CDCA5: variants seen among roughly 807,000 people sequenced by gnomAD.
CDCA5 encodes the protein cell division cycle associated 5.
In CDCA5, 14 loss-of-function variants were observed where a neutral mutation model predicts 25.7. The observed-to-expected ratio is 0.54, with a 90% CI of 0.36 to 0.85. The LOEUF is 0.85. Ranked by LOEUF, CDCA5 falls within the 40% of genes least tolerant of loss-of-function variation. The probability of loss-of-function intolerance (pLI) is 0.01; values close to 1 mark genes in which losing one functional copy is unlikely to be tolerated. For missense variants in CDCA5, 307 were observed against 324.5 expected (o/e 0.95, Z 0.41); for synonymous variants, 127 against 128.7 (o/e 0.99, Z 0.09).
Position 65,079,927 on chromosome 11 carries a change from C to T in CDCA5, c.244-140G>A, listed in dbSNP as rs1304790890. 38 of 582,478 alleles carry T rather than the reference C, an allele frequency of 6.5e-5. 1 individual carries two copies. In the South Asian group the frequency reaches 1.5e-3, roughly 24 times the overall value. The allele number at this position is 582,478 out of a possible 1,614,324, so 36.1% of individuals were successfully genotyped here. ...TTTTTTTGAGACGGAGTCTTGCTCT[C>T]TCGCCCAGGCTGGAGTGCAGTGGCA... On this transcript the variant is annotated intron_variant, in intron 4 of 5. Coordinates refer to ENST00000275517, the MANE Select transcript of CDCA5 (RefSeq NM_080668.4).
chr11:65,068,323 C>G (rs887059141), intron 2 of CDCA5, among the ~76,000 whole-genome samples: 1 of 152,234 alleles, frequency 6.6e-6, no homozygotes, highest in Non-Finnish European at 1.5e-5. Context: ...TCCCCTGCAC[C>G]CATTCCTCAG....
At position 65,078,945 on chromosome 11, in the gene CDCA5, C is replaced by T. The variant is rs142767058; in HGVS notation, c.*162G>A. On this transcript the variant is annotated 3_prime_UTR_variant, in exon 6 of 6. Transcript: ENST00000275517. ...TTTCCTAAAACCAAGATGGCTGCCG[C>T]TGCTGCCCAAGCCCTCAAAGGCAGA... is the stretch of plus-strand genomic sequence containing the variant. 10,087 of 1,259,320 alleles carry T rather than the reference C, an allele frequency of 8.0e-3. 49 individuals are homozygous for T. Among genetic ancestry groups the T allele is most frequent in the Non-Finnish European group, 9.2e-3 (9,205 of 1,003,848 alleles). The allele number at this position is 1,259,320 out of a possible 1,614,324, so 78.0% of individuals were successfully genotyped here.
chr11:65,079,348 C>T lies in CDCA5; in HGVS notation c.678+5G>A, dbSNP rs780506805. ...GGCAGAGAAAAACCCCTGCCTCTCA[C>T]TCACCAAGATCTCTGGCATTTTCTT... On this transcript the variant is annotated splice_donor_5th_base_variant and intron_variant, in intron 5 of 5. Coordinates refer to ENST00000275517, the MANE Select transcript of CDCA5 (RefSeq NM_080668.4). The T allele has an allele frequency of 6.2e-7, 1 of 1,614,170 alleles. No homozygotes were observed. The highest frequency in any genetic ancestry group is 1.1e-5 in the South Asian group (1 of 91,080).
Position 65,078,968 on chromosome 11 carries a change from A to G in CDCA5, c.*139T>C. On this transcript the variant is annotated 3_prime_UTR_variant, in exon 6 of 6. Transcript: ENST00000275517. ...CGCTGCTGCCCAAGCCCTCAAAGGC[A>G]GACAGTCCTCATGCGCAGCACCAGC... 1 of 1,280,106 alleles carries G rather than the reference A, an allele frequency of 7.8e-7. No homozygotes were observed. The allele number at this position is 1,280,106 out of a possible 1,614,324, so 79.3% of individuals were successfully genotyped here.
At chr11:65,066,349 G>A (rs761631344), downstream of CDCA5, 18 of 1,173,804 alleles carry the variant, frequency 1.5e-5, no homozygotes, top group East Asian at 6.2e-5. Context: ...GGCTGAAGGA[G>A]CGGCCTCCCG....
In CDCA5 at chr11:65,077,572, A is replaced by G; in HGVS notation, c.*1535T>C. 1 of 985,480 alleles carries G rather than the reference A, an allele frequency of 1.0e-6. No homozygotes were observed. The highest frequency in any genetic ancestry group is 4.7e-5 in the South Asian group (1 of 21,294). The allele number at this position is 985,480 out of a possible 1,614,324, so 61.0% of individuals were successfully genotyped here. On this transcript the variant is annotated 3_prime_UTR_variant, in exon 6 of 6. Coordinates refer to ENST00000275517, the MANE Select transcript of CDCA5 (RefSeq NM_080668.4). ...TTTGCAATGATGATCTCAACTCTGC[A>G]TCATCTGGTGACTCCTGATTCTGCA...
Position 65,078,089 on chromosome 11 carries a change from A to T in CDCA5, c.*1018T>A. The T allele has an allele frequency of 2.0e-6, 2 of 985,424 alleles. No individual in the cohort carries two copies. The highest frequency in any genetic ancestry group is 2.4e-6 in the Non-Finnish European group (2 of 829,956). 61.0% of individuals were successfully genotyped at this position (985,424 alleles called of 1,614,324 possible). ...GAGGCCAAAAACTAAAATTGCTATC[A>T]GCCCCCGCCGCTGTCTGGTACGCGA... On this transcript the variant is annotated 3_prime_UTR_variant, in exon 6 of 6. Transcript: ENST00000275517.
At position 65,078,065 on chromosome 11, in the gene CDCA5, AG is replaced by A; in HGVS notation, c.*1041del. ...AGTGTTCTCATGTGAGAGGATAGGG[AG>A]GCCAAAAACTAAAATTGCTATCAGC... On this transcript the variant is annotated 3_prime_UTR_variant, in exon 6 of 6. Transcript: ENST00000275517. 1.0e-6 allele frequency: 1 copy of A among 985,410 alleles called. No homozygotes were observed. Among genetic ancestry groups the A allele is most frequent in the Non-Finnish European group, 1.2e-6 (1 of 829,942 alleles). 61.0% of individuals were successfully genotyped at this position (985,410 alleles called of 1,614,324 possible). A position where few individuals can be genotyped will look rare whatever the true frequency, so the allele number is the denominator to read the frequency against.
Position 65,080,721 on chromosome 11 carries a change from A to G in CDCA5, c.244-934T>C, listed in dbSNP as rs535614147. Among the ~76,000 whole-genome samples the G allele has an allele frequency of 2.6e-5, 4 of 152,216 alleles. No individual in the cohort carries two copies. In the South Asian group the frequency reaches 8.3e-4, roughly 32 times the overall value. On this transcript the variant is annotated intron_variant, in intron 4 of 5. Transcript: ENST00000275517. ...CACACAGCTGATGAGGATTGTCCTAAATGTCCACTCAGTCCATAAGTATTT... is the reference window on the plus strand; with the variant it reads ...CACACAGCTGATGAGGATTGTCCTAGATGTCCACTCAGTCCATAAGTATTT...
At position 65,079,162 on chromosome 11, in the gene CDCA5, G is replaced by A. The variant is rs772783951; in HGVS notation, c.704C>T (p.Ala235Val). 23 of 1,520,984 alleles carry A rather than the reference G, an allele frequency of 1.5e-5. No individual in the cohort carries two copies. Among genetic ancestry groups the A allele is most frequent in the East Asian group, 2.3e-5 (1 of 44,116 alleles). 94.2% of individuals were successfully genotyped at this position (1,520,984 alleles called of 1,614,324 possible). A position where few individuals can be genotyped will look rare whatever the true frequency, so the allele number is the denominator to read the frequency against. The part of the protein sequence containing the change: ...ILKTELDEWA[A>V]AMNAEFEAAE... ...AGCTTCAAACTCGGCATTCATGGCC[G>A]CAGCCCACTCATCCAGCTCCGTTTT... Residue 235 changes from alanine (A) to valine (V), a missense_variant, in exon 6 of 6, where the codon GCG becomes GTG. By Grantham distance (64) the Ala-to-Val change is moderately conservative. Coordinates refer to ENST00000275517, the MANE Select transcript of CDCA5 (RefSeq NM_080668.4).
At position 65,068,584 on chromosome 11, in the gene CDCA5, TTGTC is replaced by T; in HGVS notation, c.77_80del (p.Arg26LysfsTer51). 3 of 1,289,326 alleles carry T rather than the reference TTGTC, an allele frequency of 2.3e-6. No individual in the cohort carries two copies. The highest frequency in any genetic ancestry group is 1.2e-5 in the South Asian group (1 of 81,030). The allele number at this position is 1,289,326 out of a possible 1,614,324, so 79.9% of individuals were successfully genotyped here. A position where few individuals can be genotyped will look rare whatever the true frequency, so the allele number is the denominator to read the frequency against. ...TGTTGGCCAGCTTGGAGTGGGCTCT[TTGTC>T]TGCCCCTAAGAGACTGAGAGAGACA... is the stretch of plus-strand genomic sequence containing the variant. On this transcript the variant is annotated frameshift_variant, in exon 2 of 7. Coordinates refer to the CDCA5 transcript ENST00000525464. LOFTEE classifies it high-confidence loss of function.
At chr11:65,066,629 C>G (rs1341248906) in exon 6 of CDCA5, 1 of 1,288,742 alleles carries the variant, frequency 7.8e-7, no homozygotes, top group South Asian at 1.2e-5. Flanking sequence ...CCTGGGCCTC[C>G]TCCTGGATGG....
In CDCA5 at chr11:65,077,759, C is replaced by T. The variant is rs551375292; in HGVS notation, c.*1348G>A. On this transcript the variant is annotated 3_prime_UTR_variant, in exon 6 of 6. Transcript: ENST00000275517. Reference sequence around the variant, plus strand: ...AGCAGATGGCCTGGGACTCCCAGACCTGGCAGAGGGTTTTATTAGGGCCCG... The same window carrying T: ...AGCAGATGGCCTGGGACTCCCAGACTTGGCAGAGGGTTTTATTAGGGCCCG... The T allele has an allele frequency of 2.7e-5, 27 of 985,550 alleles. No individual in the cohort carries two copies. The African/African-American group carries it at 4.0e-4, about 15-fold the overall frequency. 61.1% of individuals were successfully genotyped at this position (985,550 alleles called of 1,614,324 possible).
rs777095627 is a variant in CDCA5, at chr11:65,079,395, G to T, written c.636C>A (p.Pro212=). 1.9e-6 allele frequency: 3 copies of T among 1,614,038 alleles called. No individual in the cohort carries two copies. The East Asian group carries it at 6.7e-5, about 36-fold the overall frequency. ...DMTLPGISPP[P]EKQKRKKKKM... ...TCTTCTTCTTACGTTTCTGTTTCTC[G>T]GGTGGTGGGGAGATTCCAGGGAGAG... Residue 212 remains proline, a synonymous_variant, in exon 5 of 6, where the codon CCC becomes CCA. Coordinates refer to ENST00000275517, the MANE Select transcript of CDCA5 (RefSeq NM_080668.4).
At chr11:65,069,532 C>T (rs1200459707) in intron 1 of CDCA5, among the ~76,000 whole-genome samples, 2 of 152,164 alleles carry the variant, frequency 1.3e-5, no homozygotes, top group African/African-American at 2.4e-5. Flanking sequence ...AGTCCCAGAG[C>T]TCCAGCGTGG....
Position 65,079,519 on chromosome 11 carries a change from A to G in CDCA5, c.512T>C (p.Leu171Pro). The G allele has an allele frequency of 6.2e-7, 1 of 1,614,122 alleles. No individual in the cohort carries two copies. The highest frequency in any genetic ancestry group is 8.5e-7 in the Non-Finnish European group (1 of 1,180,016). Reference sequence around the variant, plus strand: ...TCCGGACAAGTCTTCTGCCCCCAGCAGCCCCTCGAAGCCAAAGCAGGACCG... The same window carrying G: ...TCCGGACAAGTCTTCTGCCCCCAGCGGCCCCTCGAAGCCAAAGCAGGACCG... ...GRRSCFGFEGLLGAEDLSGVS... is the reference protein window; with the variant it reads ...GRRSCFGFEGPLGAEDLSGVS... Residue 171 changes from leucine (L) to proline (P), a missense_variant, in exon 5 of 6, where the codon CTG (leucine) becomes CCG (proline). Physicochemically the swap from Leu to Pro is moderately conservative, Grantham distance 98. Coordinates refer to ENST00000275517, the MANE Select transcript of CDCA5 (RefSeq NM_080668.4).
At chr11:65,082,128 A>G (rs1231765195) in intron 4 of CDCA5, among the ~76,000 whole-genome samples, 2 of 152,212 alleles carry the variant, frequency 1.3e-5, no homozygotes, top group Non-Finnish European at 2.9e-5. Flanking sequence ...ACTTCACGTC[A>G]TTCCACTGGT....
the CDCA5 span, among the ~76,000 whole-genome samples, chr11:65,061,214 G>C: frequency 6.6e-6 from 1 of 152,178 alleles, no homozygotes; most frequent in South Asian, 2.1e-4. Context: ...CTGTGGACAG[G>C]CCTCATGGTG....
chr11:65,068,499 G>T (rs540402904), exon 2 of CDCA5: 61 of 1,288,758 alleles, frequency 4.7e-5, no homozygotes, highest in Non-Finnish European at 6.2e-5. Context: ...TCCAAGTTCC[G>T]CTCCTCGGAA....
Sources: allele counts gnomAD v4.1 joint callset (sites outside exome capture counted in the v4.1 genomes callset), GRCh38; gene constraint gnomAD v4.1.1; transcripts MANE v1.5; gene names NCBI Gene and HGNC (gene_info 2026-07-23, HGNC 2026-07-21).